Variants in CNTNAP4 observed in about 807,000 individuals in gnomAD.
CNTNAP4 encodes the protein contactin associated protein family member 4.
Under a neutral mutation model 148.4 loss-of-function variants are expected in CNTNAP4, and 98 were observed. The ratio of observed to expected loss-of-function variants is 0.66; its 90% CI spans 0.56 to 0.78. The LOEUF is 0.78. Among genes scored for constraint, CNTNAP4 ranks in the 30% least tolerant of loss-of-function variants. The probability of loss-of-function intolerance (pLI) is 0.00; values close to 1 mark genes in which losing one functional copy is unlikely to be tolerated. For missense variants in CNTNAP4, 1,935 were observed against 1,565.6 expected (o/e 1.24, Z -3.98); for synonymous variants, 730 against 565.1 (o/e 1.29, Z -4.14).
At chr16:76,302,361 G>A (rs533824206) in intron 1 of CNTNAP4, among the ~76,000 whole-genome samples, 2 of 152,028 alleles carry the variant, frequency 1.3e-5, no homozygotes, top group Non-Finnish European at 2.9e-5. Flanking sequence ...CCAAGCTCAC[G>A]TTAATTAGCA....
chr16:76,302,042 G>C (rs1302493429), intron 1 of CNTNAP4, among the ~76,000 whole-genome samples: 6 of 152,060 alleles, frequency 3.9e-5, no homozygotes, highest in Non-Finnish European at 8.8e-5. Context: ...CTGAACAGCA[G>C]CTGGCCCAAG....
At chr16:76,403,220 G>A (rs775743812) in intron 3 of CNTNAP4, among the ~76,000 whole-genome samples, 81 of 152,010 alleles carry the variant, frequency 5.3e-4, no homozygotes, top group Non-Finnish European at 6.5e-4. Flanking sequence ...AGCCTCCTGA[G>A]TAGCTGGGAC....
At chr16:76,433,103 A>G (rs1313250186) in intron 4 of CNTNAP4, among the ~76,000 whole-genome samples, 2 of 152,258 alleles carry the variant, frequency 1.3e-5, no homozygotes, top group East Asian at 3.9e-4. Context: ...TCTCCCAATC[A>G]TGACATGCCC....
At chr16:76,446,692 A>C (rs1390680658) in intron 4 of CNTNAP4, among the ~76,000 whole-genome samples, 1 of 152,198 alleles carries the variant, frequency 6.6e-6, no homozygotes, top group Non-Finnish European at 1.5e-5. Flanking sequence ...AGAAGACAGA[A>C]AATAGTATTG....
intron 11 of CNTNAP4, among the ~76,000 whole-genome samples, chr16:76,477,881 A>G (rs912567915): frequency 7.9e-5 from 12 of 152,204 alleles, no homozygotes; most frequent in African/African-American, 2.9e-4. Context: ...TCTGAAGACA[A>G]AAATTAGGTA....
Position 76,392,134 on chromosome 16 carries a change from C to T in CNTNAP4, c.391-35318C>T, listed in dbSNP as rs528547964. ...TCAGCCTCCCAAGAAGCTGGGATTA[C>T]AGGCTTGTGCCACCACACCCAGCTA... On this transcript the variant is annotated intron_variant, in intron 3 of 23. Coordinates refer to ENST00000611870, the MANE Select transcript of CNTNAP4 (RefSeq NM_033401.5). Among the ~76,000 whole-genome samples, 196 of 152,272 alleles carry T rather than the reference C, an allele frequency of 1.3e-3. 1 individual carries two copies. Among genetic ancestry groups the T allele is most frequent in the African/African-American group, 4.5e-3 (186 of 41,554 alleles).
At chr16:76,355,803 A>T (rs1430996067) in intron 3 of CNTNAP4, among the ~76,000 whole-genome samples, 1 of 151,544 alleles carries the variant, frequency 6.6e-6, no homozygotes, top group African/African-American at 2.4e-5. Flanking sequence ...TTGTATAAAA[A>T]AAGTTTTGTT....
intron 10 of CNTNAP4, among the ~76,000 whole-genome samples, chr16:76,468,690 T>G (rs896402165): frequency 7.9e-5 from 12 of 151,984 alleles, no homozygotes; most frequent in Admixed American, 6.6e-5. Flanking sequence ...TTTGCCATGT[T>G]CAGGTTGTTA....
At chr16:76,467,225 C>A in intron 9 of CNTNAP4, 127 bp from the exon 10 acceptor site, 1 of 772,792 alleles carries the variant, frequency 1.3e-6, no homozygotes, top group East Asian at 2.7e-5. Context: ...TGACTGCAGT[C>A]ATTATTCCCT....
At chr16:76,385,292 C>G (rs1201837152) in intron 3 of CNTNAP4, among the ~76,000 whole-genome samples, 1 of 152,162 alleles carries the variant, frequency 6.6e-6, no homozygotes, top group Non-Finnish European at 1.5e-5. Context: ...TTATCAAATA[C>G]TGAACCATTG....
intron 23 of CNTNAP4, among the ~76,000 whole-genome samples, chr16:76,557,007 T>C (rs1173963549): frequency 1.3e-5 from 2 of 152,156 alleles, no homozygotes; most frequent in Admixed American, 1.3e-4. Context: ...TTGTATACAT[T>C]TGCTTTAGAA....
intron 18 of CNTNAP4, among the ~76,000 whole-genome samples, chr16:76,537,731 A>G (rs2084272669): frequency 6.6e-6 from 1 of 152,226 alleles, no homozygotes; most frequent in African/African-American, 2.4e-5. Context: ...TGTAGATAGG[A>G]GGCCCTAGAC....
At chr16:76,416,742 C>G (rs558507044) in intron 3 of CNTNAP4, among the ~76,000 whole-genome samples, 5 of 151,338 alleles carry the variant, frequency 3.3e-5, no homozygotes, top group Admixed American at 1.3e-4. Flanking sequence ...TTAATTAAAT[C>G]TAGTTGAATA....
In CNTNAP4 at chr16:76,366,398, C is replaced by T. The variant is rs559701775; in HGVS notation, c.390+10887C>T. 2.6e-5 allele frequency among the ~76,000 whole-genome samples: 4 copies of T among 152,280 alleles called. No individual in the cohort carries two copies. In the East Asian group the frequency reaches 5.8e-4, roughly 22 times the overall value. Reference sequence around the variant, plus strand: ...AACATATAGCATTTGGTTTTCTGTTCGTGCATTAGTTTGCTAATGATAATG... The same window carrying T: ...AACATATAGCATTTGGTTTTCTGTTTGTGCATTAGTTTGCTAATGATAATG... On this transcript the variant is annotated intron_variant, in intron 3 of 23. Coordinates refer to ENST00000611870, the MANE Select transcript of CNTNAP4 (RefSeq NM_033401.5).
At chr16:76,364,026 C>T (rs1015503328) in intron 3 of CNTNAP4, among the ~76,000 whole-genome samples, 4 of 151,652 alleles carry the variant, frequency 2.6e-5, no homozygotes, top group African/African-American at 4.8e-5. Context: ...CACTTGAGCC[C>T]AGGAGTTTGA....
chr16:76,413,526 T>C (rs999282481), intron 3 of CNTNAP4, among the ~76,000 whole-genome samples: 1 of 150,556 alleles, frequency 6.6e-6, no homozygotes, highest in East Asian at 1.9e-4. Flanking sequence ...TAAGACATTC[T>C]CTTATTTTCT....
intron 3 of CNTNAP4, among the ~76,000 whole-genome samples, chr16:76,356,192 C>T (rs12597720): frequency 6.6e-6 from 1 of 152,102 alleles, no homozygotes; most frequent in East Asian, 1.9e-4. Context: ...TCTTTATTTA[C>T]AATTAGTCAA....
chr16:76,375,672 C>G lies in CNTNAP4; in HGVS notation c.390+20161C>G, dbSNP rs148839814. 3.2e-3 allele frequency among the ~76,000 whole-genome samples: 492 copies of G among 152,218 alleles called. 4 individuals carry two copies. Among genetic ancestry groups the G allele is most frequent in the African/African-American group, 0.011 (470 of 41,536 alleles). The stretch of plus-strand genomic sequence containing the variant: ...AGAAGTGTAGTAAATGTGAGTAGAT[C>G]TAATAATCTGGGGCTAGGGTAGCAA... On this transcript the variant is annotated intron_variant, in intron 3 of 23. Coordinates refer to ENST00000611870, the MANE Select transcript of CNTNAP4 (RefSeq NM_033401.5).
At chr16:76,342,306 C>T (rs767493567) in intron 2 of CNTNAP4, among the ~76,000 whole-genome samples, 3 of 151,928 alleles carry the variant, frequency 2.0e-5, no homozygotes, top group Non-Finnish European at 4.4e-5. Flanking sequence ...TCACAAAGGG[C>T]AATTATATAA....
Sources: gnomAD v4.1 joint callset for allele counts (sites outside exome capture counted in the v4.1 genomes callset) on GRCh38, gnomAD v4.1.1 for gene constraint, MANE v1.5 for transcripts, NCBI Gene and HGNC (gene_info 2026-07-23, HGNC 2026-07-21) for gene names.